Variants in ANO3 observed in about 807,000 individuals in gnomAD.
ANO3 encodes the protein anoctamin-3.
Under a neutral mutation model 144.8 loss-of-function variants are expected in ANO3, and 99 were observed. That is an observed-to-expected ratio of 0.68 (90% CI 0.58 to 0.81). ANO3 has a LOEUF of 0.81. Among genes scored for constraint, ANO3 ranks in the 30% least tolerant of loss-of-function variants. The pLI, the probability that ANO3 is intolerant of heterozygous loss-of-function variation, is 0.00. For missense variants in ANO3, 905 were observed against 1,202.2 expected (o/e 0.75, Z 3.66); for synonymous variants, 414 against 392.6 (o/e 1.05, Z -0.64).
At chr11:26,283,647 C>T (rs190168354) in intron 1 of ANO3, among the ~76,000 whole-genome samples, 1 of 151,962 alleles carries the variant, frequency 6.6e-6, no homozygotes, top group Admixed American at 6.6e-5. Flanking sequence ...CAAATGTGTG[C>T]CCAGTAATTT....
At chr11:26,636,007 G>T (rs976153266) in intron 20 of ANO3, among the ~76,000 whole-genome samples, 3 of 152,112 alleles carry the variant, frequency 2.0e-5, no homozygotes, top group African/African-American at 7.2e-5. Flanking sequence ...AGACCGGTCT[G>T]GGCAAAATGG....
At chr11:26,583,652 C>T (rs867363928) in intron 14 of ANO3, among the ~76,000 whole-genome samples, 1 of 152,260 alleles carries the variant, frequency 6.6e-6, no homozygotes, top group South Asian at 2.1e-4. Flanking sequence ...GTACAATGTC[C>T]CATATTCATG....
chr11:26,459,793 G>A (rs763054317), intron 3 of ANO3, among the ~76,000 whole-genome samples: 1 of 151,936 alleles, frequency 6.6e-6, no homozygotes, highest in Non-Finnish European at 1.5e-5. Flanking sequence ...TTTGATGTAG[G>A]GTACAAGAGA....
At chr11:26,189,383 T>C (rs969980101) in intron 1 of ANO3, 1 of 912,576 alleles carries the variant, frequency 1.1e-6, no homozygotes, top group Non-Finnish European at 1.3e-6. Flanking sequence ...ATGTTTGTAC[T>C]TCTTTAATGT....
At chr11:26,385,335 C>CA (rs1324832212) in intron 1 of ANO3, among the ~76,000 whole-genome samples, 1 of 152,070 alleles carries the variant, frequency 6.6e-6, no homozygotes, top group Non-Finnish European at 1.5e-5. Context: ...ATTGCTGCTA[C>CA]AAAAAATTAC....
intron 3 of ANO3, among the ~76,000 whole-genome samples, chr11:26,453,051 G>A (rs1270274306): frequency 1.3e-5 from 2 of 151,704 alleles, no homozygotes; most frequent in African/African-American, 4.8e-5. Context: ...TCACCACCAG[G>A]CCTGCCCTAA....
intron 11 of ANO3, among the ~76,000 whole-genome samples, chr11:26,543,278 A>G (rs1849691251): frequency 6.6e-6 from 1 of 152,034 alleles, no homozygotes; most frequent in Admixed American, 6.6e-5. Flanking sequence ...TTGCCCTCTG[A>G]TCTCCTGCTG....
chr11:26,481,999 C>T (rs898023836), intron 4 of ANO3, among the ~76,000 whole-genome samples: 3 of 151,942 alleles, frequency 2.0e-5, no homozygotes, highest in African/African-American at 4.8e-5. Context: ...CTCAAGCATT[C>T]CACTCACCTC....
rs953789289 is a variant in ANO3 at position 26,626,223 on chromosome 11, A to G, written c.1873+1725A>G. ...CCTTTTATCATTTATTATGCTGGAT[A>G]CTTAGTGCATCCCATCAATATTGAT... is the stretch of plus-strand genomic sequence containing the variant. On this transcript the variant is annotated intron_variant, in intron 18 of 26. Transcript: ENST00000256737. 2.6e-5 allele frequency among the ~76,000 whole-genome samples: 4 copies of G among 152,032 alleles called. No homozygotes were observed. The South Asian group carries it at 8.4e-4, about 32-fold the overall frequency.
chr11:26,454,577 A>G (rs1368529598), intron 3 of ANO3, among the ~76,000 whole-genome samples: 1 of 152,094 alleles, frequency 6.6e-6, no homozygotes, highest in Non-Finnish European at 1.5e-5. Flanking sequence ...AAATTGTGGC[A>G]ATAATCAATA....
intron 3 of ANO3, among the ~76,000 whole-genome samples, chr11:26,444,038 G>A (rs1042172052): frequency 1.3e-5 from 2 of 152,036 alleles, no homozygotes; most frequent in Non-Finnish European, 2.9e-5. Context: ...TTTATGATGA[G>A]CAACAGTCTC....
chr11:26,586,769 T>C lies in ANO3; in HGVS notation c.1448-11596T>C, dbSNP rs1040857884. Among the ~76,000 whole-genome samples the C allele has an allele frequency of 4.1e-5, 6 of 145,054 alleles. No individual in the cohort carries two copies. The South Asian group carries it at 1.3e-3, about 31-fold the overall frequency. On this transcript the variant is annotated intron_variant, in intron 14 of 26. Coordinates refer to ENST00000256737, the MANE Select transcript of ANO3 (RefSeq NM_031418.4). ...CACTTGACTCGGCCTCCCAAACTGC[T>C]GGGATTACAGGATGAGCCACCACGC...
At chr11:26,392,673 T>C (rs920406524) in intron 1 of ANO3, among the ~76,000 whole-genome samples, 3 of 152,140 alleles carry the variant, frequency 2.0e-5, no homozygotes, top group Non-Finnish European at 4.4e-5. Flanking sequence ...TAAGTACTAC[T>C]ATAAAATGAC....
chr11:26,488,459 C>A (rs1176265825), intron 4 of ANO3, among the ~76,000 whole-genome samples: 1 of 152,124 alleles, frequency 6.6e-6, no homozygotes, highest in Non-Finnish European at 1.5e-5. Flanking sequence ...AAGAATGAAG[C>A]CGGGGACCCT....
intron 1 of ANO3, among the ~76,000 whole-genome samples, chr11:26,277,385 C>A (rs1409473077): frequency 1.3e-5 from 2 of 152,054 alleles, no homozygotes; most frequent in Non-Finnish European, 1.5e-5. Flanking sequence ...TAAAGAATTT[C>A]TTTTGATTCC....
intron 13 of ANO3, 186 bp from the exon 14 acceptor site, chr11:26,559,533 C>A: frequency 3.5e-6 from 2 of 567,262 alleles, no homozygotes; most frequent in South Asian, 2.3e-5. Context: ...CTTCACCTCT[C>A]CCCATGAGAA....
intron 24 of ANO3, among the ~76,000 whole-genome samples, chr11:26,653,869 C>T (rs912169280): frequency 6.6e-6 from 1 of 152,110 alleles, no homozygotes; most frequent in African/African-American, 2.4e-5. Flanking sequence ...GTGGTCAAAA[C>T]TTTACATTAC....
intron 1 of ANO3, among the ~76,000 whole-genome samples, chr11:26,206,771 G>A (rs553534934): frequency 1.3e-5 from 2 of 152,170 alleles, no homozygotes; most frequent in Admixed American, 6.5e-5. Flanking sequence ...TTGAGCAGAT[G>A]AATGAACATT....
intron 20 of ANO3, among the ~76,000 whole-genome samples, chr11:26,638,789 T>G (rs1250617184): frequency 6.6e-6 from 1 of 152,216 alleles, no homozygotes; most frequent in South Asian, 2.1e-4. Flanking sequence ...TTATAAACAT[T>G]ATGCCATAGA....
Sources: gnomAD v4.1 joint callset for allele counts (sites outside exome capture counted in the v4.1 genomes callset) on GRCh38, gnomAD v4.1.1 for gene constraint, MANE v1.5 for transcripts, NCBI Gene and HGNC (gene_info 2026-07-23, HGNC 2026-07-21) for gene names.